The following GRM8 variants were observed in gnomAD, a reference collection of about 807,000 sequenced individuals.
GRM8 encodes the protein glutamate metabotropic receptor 8, also known as metabotropic glutamate receptor 8.
GRM8 carries 47 observed loss-of-function variants against 87.2 expected under a neutral mutation model. The observed-to-expected ratio is 0.54, with a 90% CI of 0.43 to 0.69. The LOEUF is 0.69. GRM8 is among the 30% of genes least tolerant of loss of function. GRM8 has a pLI of 0.00. For missense variants in GRM8, 1,019 were observed against 1,139.2 expected, an observed-to-expected ratio of 0.89 and a Z score of 1.52; for synonymous variants, 396 against 404.5, an observed-to-expected ratio of 0.98 and a Z score of 0.25.
At chr7:126,796,764 A>G (rs1400851946) in intron 6 of GRM8, among the ~76,000 whole-genome samples, 3 of 152,090 alleles carry the variant, frequency 2.0e-5, no homozygotes, top group Non-Finnish European at 4.4e-5. Context: ...TCCAAAAAGA[A>G]GAGCCCTCCT....
intron 9 of GRM8, among the ~76,000 whole-genome samples, chr7:126,465,031 T>C (rs559966532): frequency 6.6e-6 from 1 of 151,858 alleles, no homozygotes; most frequent in South Asian, 2.1e-4. Flanking sequence ...TCTCCTAGCA[T>C]ATTTTTTTTG....
At chr7:127,025,312 C>T (rs779091720) in intron 3 of GRM8, among the ~76,000 whole-genome samples, 9 of 152,076 alleles carry the variant, frequency 5.9e-5, no homozygotes, top group Non-Finnish European at 1.3e-4. Flanking sequence ...TCTTACTCTT[C>T]TTTCCTCAGA....
At chr7:127,120,797 T>C (rs1002135157) in intron 2 of GRM8, among the ~76,000 whole-genome samples, 3 of 152,220 alleles carry the variant, frequency 2.0e-5, no homozygotes, top group African/African-American at 7.2e-5. Flanking sequence ...AGGATGAACA[T>C]CTCCTGATCA....
chr7:126,453,112 C>T (rs1049538095), intron 9 of GRM8, among the ~76,000 whole-genome samples: 6 of 129,598 alleles, frequency 4.6e-5, no homozygotes, highest in African/African-American at 9.5e-5. Context: ...CACACACACA[C>T]ATACAAGCAA....
intron 6 of GRM8, among the ~76,000 whole-genome samples, chr7:126,807,210 T>G (rs1163083012): frequency 6.6e-6 from 1 of 152,192 alleles, no homozygotes; most frequent in Non-Finnish European, 1.5e-5. Flanking sequence ...AACTTCTGCT[T>G]CTTTTATGTA....
intron 8 of GRM8, among the ~76,000 whole-genome samples, chr7:126,595,544 G>A (rs74539626): frequency 5.2e-4 from 79 of 151,974 alleles, no homozygotes; most frequent in Middle Eastern, 6.8e-3. Context: ...TAGGATTATA[G>A]GTGTGAGCCA....
chr7:126,550,876 T>C (rs1279142488), intron 8 of GRM8, among the ~76,000 whole-genome samples: 1 of 151,586 alleles, frequency 6.6e-6, no homozygotes, highest in Non-Finnish European at 1.5e-5. Flanking sequence ...ACAGTTTCTA[T>C]GGAATAGCCA....
intron 6 of GRM8, among the ~76,000 whole-genome samples, chr7:126,840,251 T>G (rs1796152576): frequency 6.6e-6 from 1 of 152,200 alleles, no homozygotes; most frequent in Non-Finnish European, 1.5e-5. Context: ...AGCAAATATT[T>G]TTGTTTCCAT....
intron 7 of GRM8, among the ~76,000 whole-genome samples, chr7:126,669,527 A>G (rs1806159592): frequency 6.6e-6 from 1 of 152,208 alleles, no homozygotes; most frequent in South Asian, 2.1e-4. Context: ...GTCAGATGCA[A>G]AGTTTTCTAA....
At chr7:127,005,058 G>GT in intron 3 of GRM8, among the ~76,000 whole-genome samples, 1 of 150,478 alleles carries the variant, frequency 6.6e-6, no homozygotes, top group South Asian at 2.1e-4. Flanking sequence ...CACAGATTAC[G>GT]TATGTGAAGT....
intron 6 of GRM8, among the ~76,000 whole-genome samples, chr7:126,796,766 A>T (rs1821994891): frequency 6.6e-6 from 1 of 152,076 alleles, no homozygotes; most frequent in African/African-American, 2.4e-5. Flanking sequence ...CAAAAAGAAG[A>T]GCCCTCCTCT....
chr7:127,159,809 A>G (rs908662639), intron 2 of GRM8, among the ~76,000 whole-genome samples: 10 of 151,806 alleles, frequency 6.6e-5, no homozygotes, highest in Non-Finnish European at 1.2e-4. Context: ...TTTTTATTAA[A>G]TTACAGCATC....
chr7:126,616,383 G>C (rs1433785567), intron 7 of GRM8, among the ~76,000 whole-genome samples: 1 of 152,320 alleles, frequency 6.6e-6, no homozygotes, highest in Non-Finnish European at 1.5e-5. Context: ...GCAGTGTGTA[G>C]AGGGAAATTT....
At chr7:126,792,905 T>C (rs1048335367) in intron 6 of GRM8, among the ~76,000 whole-genome samples, 4 of 152,166 alleles carry the variant, frequency 2.6e-5, no homozygotes, top group Admixed American at 6.6e-5. Context: ...CTACAAAAGA[T>C]ACATGTTCCT....
rs373871324 is a variant in GRM8, at chr7:126,616,416, G to A, written c.1358-6918C>T. On this transcript the variant is annotated intron_variant, in intron 7 of 10. Transcript: ENST00000339582. ...TTTATAGCACGAAATGCCCACAAGA[G>A]AAAGCAGGACAGATCTAAAATCGAC... is the stretch of plus-strand genomic sequence containing the variant. Among the ~76,000 whole-genome samples the A allele has an allele frequency of 2.6e-5, 4 of 152,282 alleles. No individual in the cohort carries two copies. The East Asian group carries it at 7.7e-4, about 29-fold the overall frequency.
intron 2 of GRM8, among the ~76,000 whole-genome samples, chr7:127,156,839 G>C (rs187924075): frequency 2.0e-5 from 3 of 152,166 alleles, no homozygotes; most frequent in Admixed American, 2.0e-4. Flanking sequence ...ATAAAAATCT[G>C]AAAAGAAAAA....
At chr7:127,152,910 A>G (rs750781296) in intron 2 of GRM8, among the ~76,000 whole-genome samples, 1 of 152,170 alleles carries the variant, frequency 6.6e-6, no homozygotes, top group African/African-American at 2.4e-5. Context: ...GTCAAAATTA[A>G]ATCATAGGCA....
At chr7:126,714,380 T>C (rs1257159614) in intron 7 of GRM8, among the ~76,000 whole-genome samples, 3 of 151,600 alleles carry the variant, frequency 2.0e-5, no homozygotes, top group African/African-American at 7.3e-5. Context: ...CTTGGCACTT[T>C]ACACATTTAA....
At chr7:127,138,176 A>G (rs1828045777) in intron 2 of GRM8, among the ~76,000 whole-genome samples, 1 of 152,206 alleles carries the variant, frequency 6.6e-6, no homozygotes, top group Admixed American at 6.5e-5. Context: ...GCAGAGCTGC[A>G]AAGCCCTTGC....
Sources: gnomAD v4.1 joint callset for allele counts (sites outside exome capture counted in the v4.1 genomes callset) on GRCh38, gnomAD v4.1.1 for gene constraint, MANE v1.5 for transcripts, NCBI Gene and HGNC (gene_info 2026-07-23, HGNC 2026-07-21) for gene names.